The following RASSF8 variants were observed in gnomAD, a reference collection of about 807,000 sequenced individuals.
RASSF8 encodes Ras association domain family member 8.
In RASSF8, 22 loss-of-function variants were observed where a neutral mutation model predicts 48.5. The observed-to-expected ratio is 0.45, with a 90% CI of 0.32 to 0.65. The LOEUF (loss-of-function observed/expected upper bound fraction) is 0.65, where lower values mean the gene tolerates loss of function less well. RASSF8 is among the 30% of genes least tolerant of loss of function. The pLI is 0.03. For synonymous variants in RASSF8, 127 were observed against 171.5 expected (o/e 0.74, Z 2.03); for missense variants, 418 against 489.2 (o/e 0.85, Z 1.37).
intron 2 of RASSF8, among the ~76,000 whole-genome samples, chr12:26,012,605 A>T (rs1430913195): frequency 6.6e-6 from 1 of 152,018 alleles, no homozygotes; most frequent in Non-Finnish European, 1.5e-5. Context: ...TTGAATTTTT[A>T]AAATATGTGG....
At chr12:26,012,277 A>AG (rs1240837568) in intron 2 of RASSF8, among the ~76,000 whole-genome samples, 1 of 152,270 alleles carries the variant, frequency 6.6e-6, no homozygotes, top group Non-Finnish European at 1.5e-5. Context: ...CAAAGCACTT[A>AG]GAACATCTCC....
intron 1 of RASSF8, among the ~76,000 whole-genome samples, chr12:25,983,242 C>A (rs1223961184): frequency 1.3e-5 from 2 of 151,256 alleles, no homozygotes; most frequent in East Asian, 1.9e-4. Context: ...ATAAAAATGA[C>A]AAAAAAAATC....
intron 1 of RASSF8, among the ~76,000 whole-genome samples, chr12:25,965,204 G>A (rs1467590842): frequency 6.6e-6 from 1 of 152,092 alleles, no homozygotes; most frequent in Non-Finnish European, 1.5e-5. Flanking sequence ...GCCTCCCAAA[G>A]TGCTGGGATT....
chr12:25,990,121 C>T (rs1037448111), intron 1 of RASSF8, among the ~76,000 whole-genome samples: 2 of 152,048 alleles, frequency 1.3e-5, no homozygotes, highest in Non-Finnish European at 2.9e-5. Flanking sequence ...GATCAAGTCA[C>T]CTAATCTTAA....
At chr12:26,050,564 ATC>A (rs2137212481) in intron 2 of RASSF8, among the ~76,000 whole-genome samples, 1 of 152,334 alleles carries the variant, frequency 6.6e-6, no homozygotes, top group South Asian at 2.1e-4. Context: ...GTTTCCACTA[ATC>A]AACATTGTCT....
Position 26,069,406 on chromosome 12 carries a change from A to G in RASSF8, c.*588A>G, listed in dbSNP as rs1220716603. On this transcript the variant is annotated 3_prime_UTR_variant, in exon 6 of 6. Transcript: ENST00000689635. ...GTGAAACTGTCCTAGCCATTGCTTAATTAGGTGAAATAATTCAGGGTTTTT... is the reference window on the plus strand; with the variant it reads ...GTGAAACTGTCCTAGCCATTGCTTAGTTAGGTGAAATAATTCAGGGTTTTT... 1.0e-6 allele frequency: 1 copy of G among 985,158 alleles called. No individual in the cohort carries two copies. Among genetic ancestry groups the G allele is most frequent in the Non-Finnish European group, 1.2e-6 (1 of 829,756 alleles). The allele number at this position is 985,158 out of a possible 1,614,324, so 61.0% of individuals were successfully genotyped here. A position where few individuals can be genotyped will look rare whatever the true frequency, so the allele number is the denominator to read the frequency against.
At chr12:26,038,611 ACACACACAC>A in intron 2 of RASSF8, among the ~76,000 whole-genome samples, 1 of 9,120 alleles carries the variant, frequency 1.1e-4, no homozygotes, top group Admixed American at 6.7e-4. Context: ...TTATTAAAAC[ACACACACAC>A]ACACACACAC....
rs149930533 is a variant in RASSF8, at chr12:25,980,066, A to G, written c.-202-14971A>G. Among the ~76,000 whole-genome samples the G allele has an allele frequency of 2.7e-3, 404 of 152,364 alleles. 3 individuals are homozygous for G. Among genetic ancestry groups the G allele is most frequent in the African/African-American group, 9.4e-3 (392 of 41,586 alleles). ...ATTTAGGCATGAGAAACTAGCTCCT[A>G]TCCTTAAGGACTACTTCCTTCTGCT... On this transcript the variant is annotated intron_variant, in intron 1 of 5. Transcript: ENST00000689635.
chr12:26,016,992 T>G (rs895854235), intron 2 of RASSF8, among the ~76,000 whole-genome samples: 6 of 152,172 alleles, frequency 3.9e-5, no homozygotes, highest in African/African-American at 1.4e-4. Flanking sequence ...TTGCTTCATG[T>G]TTTTAGTACT....
At chr12:26,013,872 T>G (rs952333108) in intron 2 of RASSF8, among the ~76,000 whole-genome samples, 4 of 152,246 alleles carry the variant, frequency 2.6e-5, no homozygotes, top group African/African-American at 9.6e-5. Context: ...TTACCAGTTT[T>G]TATTCTATAC....
chr12:25,996,797 A>G (rs1288170891), intron 2 of RASSF8, among the ~76,000 whole-genome samples: 1 of 152,190 alleles, frequency 6.6e-6, no homozygotes, highest in Non-Finnish European at 1.5e-5. Context: ...CCTGAAACTT[A>G]GAAAACTTGT....
intron 1 of RASSF8, among the ~76,000 whole-genome samples, chr12:25,986,927 T>TTGTTG (rs1555160457): frequency 0.014 from 900 of 62,926 alleles, 10 homozygotes; most frequent in African/African-American, 0.039. Context: ...GTTTTTTTTT[T>TTGTTG]TTGTTTGTTT....
At chr12:25,977,554 T>C (rs1202076371) in intron 1 of RASSF8, among the ~76,000 whole-genome samples, 1 of 152,136 alleles carries the variant, frequency 6.6e-6, no homozygotes, top group Non-Finnish European at 1.5e-5. Context: ...ACAGGAAAAT[T>C]GTTTTCCATT....
chr12:25,985,898 C>T, intron 1 of RASSF8, among the ~76,000 whole-genome samples: 1 of 152,200 alleles, frequency 6.6e-6, no homozygotes, highest in East Asian at 1.9e-4. Flanking sequence ...GACATATGTT[C>T]TTTAACTACC....
chr12:26,071,305 G>A lies in RASSF8; in HGVS notation c.*2487G>A, dbSNP rs1285691369. The A allele has an allele frequency of 1.0e-6, 1 of 982,042 alleles. No homozygotes were observed. The highest frequency in any genetic ancestry group is 1.8e-5 in the African/African-American group (1 of 57,070). 60.8% of individuals were successfully genotyped at this position (982,042 alleles called of 1,614,324 possible). A position where few individuals can be genotyped will look rare whatever the true frequency, so the allele number is the denominator to read the frequency against. On this transcript the variant is annotated 3_prime_UTR_variant, in exon 6 of 6. Coordinates refer to ENST00000689635, the MANE Select transcript of RASSF8 (RefSeq NM_001394098.1). ...GCCACATCCTGGATACATTTCGGAG[G>A]GGTAGTGGGCAATGGTATACAAAAA...
intron 2 of RASSF8, among the ~76,000 whole-genome samples, chr12:26,005,123 A>G (rs550696327): frequency 1.3e-5 from 2 of 152,244 alleles, no homozygotes; most frequent in South Asian, 2.1e-4. Flanking sequence ...AAATGTGTAC[A>G]TATAACGTGT....
chr12:25,969,266 C>T (rs10771251), intron 1 of RASSF8, among the ~76,000 whole-genome samples: 66,877 of 151,938 alleles, frequency 0.44, 16,205 homozygotes, highest in Non-Finnish European at 0.55. Context: ...CTGGCTACTG[C>T]GGTAAAAACC....
At chr12:26,012,890 G>A (rs1177456841) in intron 2 of RASSF8, among the ~76,000 whole-genome samples, 1 of 151,970 alleles carries the variant, frequency 6.6e-6, no homozygotes, top group East Asian at 1.9e-4. Flanking sequence ...TGCCCAGGCT[G>A]GTCTCGAACT....
chr12:26,026,742 A>T (rs551195653), intron 2 of RASSF8, among the ~76,000 whole-genome samples: 6 of 152,180 alleles, frequency 3.9e-5, no homozygotes, highest in Non-Finnish European at 7.3e-5. Flanking sequence ...AAGGCAGCTA[A>T]TAAGGAGTGT....
Sources: allele counts gnomAD v4.1 joint callset (sites outside exome capture counted in the v4.1 genomes callset), GRCh38; gene constraint gnomAD v4.1.1; transcripts MANE v1.5; gene names NCBI Gene and HGNC (gene_info 2026-07-23, HGNC 2026-07-21).